Variants in IL1RL1 observed in about 807,000 individuals in gnomAD.
The protein encoded by IL1RL1 is interleukin-1 receptor-like 1.
IL1RL1 carries 32 observed loss-of-function variants against 50.9 expected under a neutral mutation model. The ratio of observed to expected loss-of-function variants is 0.63; its 90% CI spans 0.47 to 0.84. The LOEUF is 0.84. Among genes scored for constraint, IL1RL1 ranks in the 40% least tolerant of loss-of-function variants. IL1RL1 has a pLI of 0.00. For synonymous variants in IL1RL1, 275 were observed against 236.0 expected (o/e 1.17, Z -1.51); for missense variants, 773 against 662.9 (o/e 1.17, Z -1.82).
chr2:102,333,020 C>T (rs1297988856), intron 1 of IL1RL1, among the ~76,000 whole-genome samples: 5 of 151,884 alleles, frequency 3.3e-5, no homozygotes, highest in Admixed American at 6.6e-5. Flanking sequence ...AATGAGGATA[C>T]GGGGTTGGAG....
rs771924945 is a variant in IL1RL1 at position 102,351,944 on chromosome 2, C to CA, written c.*24dup. On this transcript the variant is annotated 3_prime_UTR_variant, in exon 11 of 11. Transcript: ENST00000233954. ...TAGTGCCTGCTGTGATGTGCAAAGG[C>CA]ATCTGAGTTTGAAGCTTTCCTGACT... 1.3e-6 allele frequency: 2 copies of CA among 1,578,214 alleles called. No homozygotes were observed. The highest frequency in any genetic ancestry group is 1.2e-5 in the South Asian group (1 of 85,056).
chr2:102,349,620 A>G (rs1459700079), intron 10 of IL1RL1, among the ~76,000 whole-genome samples: 1 of 152,228 alleles, frequency 6.6e-6, no homozygotes, highest in Admixed American at 6.5e-5. Context: ...TTGTTCTGGT[A>G]GCCATAGGCA....
intron 1 of IL1RL1, among the ~76,000 whole-genome samples, chr2:102,328,691 C>T (rs894984755): frequency 4.0e-4 from 61 of 152,314 alleles, no homozygotes; most frequent in African/African-American, 1.3e-3. Context: ...CATTCTTATA[C>T]ACCAATAACA....
intron 8 of IL1RL1, chr2:102,345,840 GGT>G: frequency 1.0e-6 from 1 of 985,428 alleles, no homozygotes; most frequent in Non-Finnish European, 1.2e-6. Flanking sequence ...CCATGCTTGG[GGT>G]GGTGGTGGGC....
At chr2:102,344,472 C>T in intron 8 of IL1RL1, 1 of 518,236 alleles carries the variant, frequency 1.9e-6, no homozygotes, top group Non-Finnish European at 2.5e-6. Flanking sequence ...CCACGTATTC[C>T]AGGGAGCCTT....
At chr2:102,330,481 A>G (rs1015336421) in intron 1 of IL1RL1, among the ~76,000 whole-genome samples, 26 of 150,984 alleles carry the variant, frequency 1.7e-4, no homozygotes, top group African/African-American at 6.3e-4. Context: ...CCTAAAACTT[A>G]AAGTATAATA....
chr2:102,321,595 GAGTA>G (rs1676840793), intron 1 of IL1RL1, among the ~76,000 whole-genome samples: 1 of 152,104 alleles, frequency 6.6e-6, no homozygotes, highest in African/African-American at 2.4e-5. Context: ...TTTATGGTCC[GAGTA>G]ATTACTAGAT....
intron 1 of IL1RL1, among the ~76,000 whole-genome samples, chr2:102,318,718 G>C (rs555056029): frequency 1.1e-4 from 16 of 144,122 alleles, no homozygotes; most frequent in African/African-American, 4.1e-4. Flanking sequence ...GGAGAGAAGA[G>C]GAGATGTGAA....
rs535185765 is a variant in IL1RL1 at position 102,338,225 on chromosome 2, A to T, written c.-40A>T. 2.1e-6 allele frequency: 3 copies of T among 1,432,410 alleles called. No individual in the cohort carries two copies. The highest frequency in any genetic ancestry group is 2.9e-6 in the Non-Finnish European group (3 of 1,018,542). 88.7% of individuals were successfully genotyped at this position (1,432,410 alleles called of 1,614,324 possible). ...CAGTGACTCATCTGGAGTAATCTCA[A>T]CAACGAGTTACCAATACTTGCTCTT... is the stretch of plus-strand genomic sequence containing the variant. On this transcript the variant is annotated 5_prime_UTR_variant, in exon 2 of 11. Coordinates refer to ENST00000233954, the MANE Select transcript of IL1RL1 (RefSeq NM_016232.5).
Position 102,331,386 on chromosome 2 carries a change from G to A in IL1RL1, c.-149-6730G>A, listed in dbSNP as rs186011990. On this transcript the variant is annotated intron_variant, in intron 1 of 10. Coordinates refer to ENST00000233954, the MANE Select transcript of IL1RL1 (RefSeq NM_016232.5). ...GCAATAAAGTCTGTGGAATTAGTAT[G>A]TGAGAAATTACACAATGGTCTAAAA... Among the ~76,000 whole-genome samples, 48 of 152,354 alleles carry A rather than the reference G, an allele frequency of 3.2e-4. No individual in the cohort carries two copies. The East Asian group carries it at 8.7e-3, about 28-fold the overall frequency.
At chr2:102,322,187 C>T (rs1282297459) in intron 1 of IL1RL1, among the ~76,000 whole-genome samples, 3 of 152,140 alleles carry the variant, frequency 2.0e-5, no homozygotes, top group East Asian at 1.9e-4. Flanking sequence ...GAATTTCAGG[C>T]GGGGTTTCTG....
At chr2:102,319,811 C>T (rs1676785618) in intron 1 of IL1RL1, among the ~76,000 whole-genome samples, 1 of 152,178 alleles carries the variant, frequency 6.6e-6, no homozygotes, top group Non-Finnish European at 1.5e-5. Flanking sequence ...GCCTCAGCCT[C>T]CCAAGAAGCT....
rs534269130 is a variant in IL1RL1 at position 102,348,402 on chromosome 2, G to A, written c.1117+311G>A. Among the ~76,000 whole-genome samples the A allele has an allele frequency of 3.3e-5, 5 of 151,990 alleles. No individual in the cohort carries two copies. The East Asian group carries it at 5.8e-4, about 18-fold the overall frequency. ...AAAGGTGTAAATTTCATAATGTATC[G>A]GTAAGACATTATGAAGTTAAACACA... On this transcript the variant is annotated intron_variant, in intron 9 of 10. Coordinates refer to ENST00000233954, the MANE Select transcript of IL1RL1 (RefSeq NM_016232.5).
At position 102,335,405 on chromosome 2, in the gene IL1RL1, T is replaced by C. The variant is rs568140823; in HGVS notation, c.-149-2711T>C. On this transcript the variant is annotated intron_variant, in intron 1 of 10. Transcript: ENST00000233954. ...CATTGGGGGGAGAAAAGCTTGACTT[T>C]GAAGTTCAGCAAGTCTGGTTTCAAC... 2.0e-4 allele frequency among the ~76,000 whole-genome samples: 31 copies of C among 152,332 alleles called. No homozygotes were observed. The East Asian group carries it at 4.2e-3, about 21-fold the overall frequency.
At chr2:102,335,157 A>G (rs890141693) in intron 1 of IL1RL1, among the ~76,000 whole-genome samples, 3 of 152,188 alleles carry the variant, frequency 2.0e-5, no homozygotes, top group African/African-American at 7.2e-5. Flanking sequence ...TGCTTTATTC[A>G]TGTATTAGAA....
intron 10 of IL1RL1, among the ~76,000 whole-genome samples, chr2:102,350,310 T>C (rs903899943): frequency 1.3e-5 from 2 of 152,260 alleles, no homozygotes; most frequent in Non-Finnish European, 2.9e-5. Context: ...TCTTCACCTC[T>C]TCTTTTTCAG....
chr2:102,341,514 C>A (rs1016593974), intron 5 of IL1RL1, among the ~76,000 whole-genome samples: 3 of 152,240 alleles, frequency 2.0e-5, no homozygotes, highest in Admixed American at 6.5e-5. Context: ...GTAATAGCCC[C>A]TTTACGTATG....
Position 102,348,064 on chromosome 2 carries a change from A to G in IL1RL1, c.1090A>G (p.Ile364Val). The stretch of plus-strand genomic sequence containing the variant: ...TGAGGCCACTCTGCTCTGGAGAGAC[A>G]TAGCTAAACCTTACAAGACTAGGAA... ...WIEATLLWRD[I>V]AKPYKTRNDG... is the part of the protein sequence containing the mutation. Residue 364 changes from isoleucine (I) to valine (V), a missense_variant, in exon 9 of 11, where the codon ATA becomes GTA. Physicochemically the swap from Ile to Val is conservative, Grantham distance 29. Transcript: ENST00000233954. 2 of 1,613,324 alleles carry G rather than the reference A, an allele frequency of 1.2e-6. No individual in the cohort carries two copies. Among genetic ancestry groups the G allele is most frequent in the Non-Finnish European group, 1.7e-6 (2 of 1,179,452 alleles).
intron 8 of IL1RL1, among the ~76,000 whole-genome samples, chr2:102,347,589 C>T (rs1012971535): frequency 6.6e-6 from 1 of 152,218 alleles, no homozygotes. Context: ...TCCTACTCAT[C>T]TTTCAGAGGC....
Sources: allele counts gnomAD v4.1 joint callset (sites outside exome capture counted in the v4.1 genomes callset), GRCh38; gene constraint gnomAD v4.1.1; transcripts MANE v1.5; gene names NCBI Gene and HGNC (gene_info 2026-07-23, HGNC 2026-07-21).